ELF2: variants seen among roughly 807,000 people sequenced by gnomAD.
ELF2 encodes the protein ETS-related transcription factor Elf-2.
Under a neutral mutation model 54.8 loss-of-function variants are expected in ELF2, and 11 were observed. That is an observed-to-expected ratio of 0.20 (90% CI 0.13 to 0.33). ELF2 has a LOEUF of 0.33. Ranked by LOEUF, ELF2 falls within the 10% of genes least tolerant of loss-of-function variation. The probability of loss-of-function intolerance (pLI) is 1.00; values close to 1 mark genes in which losing one functional copy is unlikely to be tolerated. For missense variants in ELF2, 513 were observed against 703.0 expected (o/e 0.73, Z 3.06); for synonymous variants, 203 against 245.1 (o/e 0.83, Z 1.61).
In ELF2 at chr4:139,125,403, T is replaced by C. The variant is rs986617446; in HGVS notation, c.73-74A>G. 2.6e-6 allele frequency: 4 copies of C among 1,547,992 alleles called. No individual in the cohort carries two copies. In the East Asian group the frequency reaches 9.0e-5, roughly 35 times the overall value. ...TGAATTCACTTATAAATCCTTGAAC[T>C]AATACAGTCTCGAGCAGTCCACATA... is the stretch of plus-strand genomic sequence containing the variant. On this transcript the variant is annotated intron_variant, in intron 3 of 9. Coordinates refer to ENST00000686138, the MANE Select transcript of ELF2 (RefSeq NM_001331036.3).
intron 1 of ELF2, among the ~76,000 whole-genome samples, chr4:139,153,678 T>C (rs1456037147): frequency 2.0e-5 from 3 of 152,160 alleles, no homozygotes; most frequent in Admixed American, 6.5e-5. Flanking sequence ...TAAAACAGAA[T>C]TCTGTTTAAT....
In ELF2 at chr4:139,165,123, T is replaced by C. The variant is rs543250966; in HGVS notation, c.-252+11844A>G. 8.3e-4 allele frequency among the ~76,000 whole-genome samples: 126 copies of C among 151,852 alleles called. 1 individual carries two copies. The South Asian group carries it at 9.4e-3, about 11-fold the overall frequency. ...GCATCTTATGAAGATAATCCCTGTA[T>C]TTCATGCTGTCTTTATTAGGGTTTT... On this transcript the variant is annotated intron_variant, in intron 1 of 9. Transcript: ENST00000686138.
intron 1 of ELF2, among the ~76,000 whole-genome samples, chr4:139,168,979 G>A (rs923625872): frequency 2.0e-5 from 3 of 152,144 alleles, no homozygotes; most frequent in African/African-American, 7.2e-5. Context: ...CATGAAAGGA[G>A]GGTTCTCATG....
At chr4:139,177,287 C>T (rs867929522), upstream of ELF2, 1 of 147,748 alleles carries the variant, frequency 6.8e-6, no homozygotes, top group African/African-American at 2.5e-5. Context: ...TCCCCCTCGG[C>T]CTCCTGCCGC....
At chr4:139,169,566 A>T (rs1742060696) in intron 1 of ELF2, among the ~76,000 whole-genome samples, 1 of 151,892 alleles carries the variant, frequency 6.6e-6, no homozygotes, top group Admixed American at 6.6e-5. Context: ...TTCCTTTAAA[A>T]ATCTGTCTTG....
intron 3 of ELF2, among the ~76,000 whole-genome samples, chr4:139,127,880 GC>G (rs1413330411): frequency 2.0e-5 from 3 of 151,376 alleles, no homozygotes; most frequent in Admixed American, 6.6e-5. Flanking sequence ...CATGAGAATT[GC>G]TTGAACCCGG....
chr4:139,125,406 TAC>T, intron 3 of ELF2, 77 bp from the exon 4 acceptor site: 1 of 1,542,854 alleles, frequency 6.5e-7, no homozygotes, highest in Non-Finnish European at 8.8e-7. Context: ...CTTGAACTAA[TAC>T]AGTCTCGAGC....
chr4:139,084,099 C>T, intron 4 of ELF2: 1 of 1,612,790 alleles, frequency 6.2e-7, no homozygotes, highest in Non-Finnish European at 8.5e-7. Context: ...TCCTGCTGCA[C>T]CGATGCACGG....
At chr4:139,082,628 T>A (rs1166822578) in intron 4 of ELF2, among the ~76,000 whole-genome samples, 1 of 152,168 alleles carries the variant, frequency 6.6e-6, no homozygotes, top group African/African-American at 2.4e-5. Context: ...ATTTCCCCCA[T>A]CGAACTGAGT....
At chr4:139,152,983 T>C (rs1339784593) in intron 1 of ELF2, among the ~76,000 whole-genome samples, 4 of 149,178 alleles carry the variant, frequency 2.7e-5, no homozygotes. Context: ...GCCATTCTCC[T>C]GCCTCAAAAG....
intron 4 of ELF2, among the ~76,000 whole-genome samples, chr4:139,121,634 C>T (rs975521542): frequency 1.3e-5 from 2 of 152,038 alleles, no homozygotes; most frequent in African/African-American, 2.4e-5. Context: ...ATCCAGCAGG[C>T]CCCTAGAACT....
intron 4 of ELF2, among the ~76,000 whole-genome samples, chr4:139,083,876 AGCT>A (rs1015759168): frequency 6.6e-6 from 1 of 152,172 alleles, no homozygotes; most frequent in Non-Finnish European, 1.5e-5. Flanking sequence ...TCAGCCCGGC[AGCT>A]GCTGCTGCTG....
chr4:139,156,067 G>C (rs1017396748), intron 1 of ELF2, among the ~76,000 whole-genome samples: 2 of 152,164 alleles, frequency 1.3e-5, no homozygotes, highest in Non-Finnish European at 2.9e-5. Context: ...CATTTCAAGA[G>C]TCTCATACCA....
rs1423952482 is a variant in ELF2, at chr4:139,057,936, C to T, written c.*1047G>A. ...CAAGAGTACAACAAAATAGAATATA[C>T]TTCAAATGTTGAATATACAAACTAT... On this transcript the variant is annotated 3_prime_UTR_variant, in exon 10 of 10. Transcript: ENST00000686138. 1.3e-5 allele frequency: 2 copies of T among 152,576 alleles called. No homozygotes were observed. Among genetic ancestry groups the T allele is most frequent in the Non-Finnish European group, 2.9e-5 (2 of 67,998 alleles). The allele number at this position is 152,576 out of a possible 1,614,324, so 9.5% of individuals were successfully genotyped here.
chr4:139,173,630 C>T (rs1355220227), intron 1 of ELF2, among the ~76,000 whole-genome samples: 5 of 151,334 alleles, frequency 3.3e-5, no homozygotes, highest in Admixed American at 6.6e-5. Context: ...TGGTGGCACG[C>T]GCCCGTAGTC....
At chr4:139,116,542 G>A (rs1180936410) in intron 4 of ELF2, 2 of 364,486 alleles carry the variant, frequency 5.5e-6, no homozygotes, top group Non-Finnish European at 7.6e-6. Context: ...CTTCCTTAAG[G>A]AGGAATCATT....
intron 4 of ELF2, among the ~76,000 whole-genome samples, chr4:139,113,119 A>G (rs1167992553): frequency 6.6e-6 from 1 of 152,202 alleles, no homozygotes; most frequent in African/African-American, 2.4e-5. Context: ...GCACTGTGGG[A>G]GGCCAAGGTG....
intron 6 of ELF2, among the ~76,000 whole-genome samples, chr4:139,070,787 T>C (rs1242667122): frequency 2.0e-5 from 3 of 152,206 alleles, no homozygotes; most frequent in Non-Finnish European, 2.9e-5. Flanking sequence ...ATAATCTACA[T>C]GTATTACAAG....
At chr4:139,105,114 T>A (rs1471579282) in intron 4 of ELF2, among the ~76,000 whole-genome samples, 1 of 152,204 alleles carries the variant, frequency 6.6e-6, no homozygotes. Context: ...ATAACTGTCA[T>A]ATGGAAAGGG....
Sources: gnomAD v4.1 joint callset for allele counts (sites outside exome capture counted in the v4.1 genomes callset) on GRCh38, gnomAD v4.1.1 for gene constraint, MANE v1.5 for transcripts, NCBI Gene and HGNC (gene_info 2026-07-23, HGNC 2026-07-21) for gene names.